VPS53: variants seen among roughly 807,000 people sequenced by gnomAD.
VPS53 encodes VPS53 subunit of GARP complex.
VPS53 carries 70 observed loss-of-function variants against 107.0 expected under a neutral mutation model. The ratio of observed to expected loss-of-function variants is 0.65; its 90% CI spans 0.54 to 0.80. The LOEUF is 0.80. VPS53 is among the 30% of genes least tolerant of loss of function. VPS53 has a pLI of 0.00. For missense variants in VPS53, 917 were observed against 1,049.4 expected (o/e 0.87, Z 1.74); for synonymous variants, 409 against 393.3 (o/e 1.04, Z -0.47).
At chr17:631,276 G>C (rs1050924240) in intron 8 of VPS53, among the ~76,000 whole-genome samples, 1 of 151,178 alleles carries the variant, frequency 6.6e-6, no homozygotes. Flanking sequence ...AAAAGGAATT[G>C]ACAGGGCATA....
At chr17:664,887 T>A (rs761901698) in intron 4 of VPS53, among the ~76,000 whole-genome samples, 17 of 151,980 alleles carry the variant, frequency 1.1e-4, no homozygotes, top group Non-Finnish European at 2.2e-4. Context: ...GGGTTTTGGT[T>A]GAAAAGCCAA....
At chr17:568,843 C>T (rs1233235144) in intron 13 of VPS53, among the ~76,000 whole-genome samples, 1 of 152,178 alleles carries the variant, frequency 6.6e-6, no homozygotes, top group Non-Finnish European at 1.5e-5. Context: ...GCATCAAATG[C>T]ACAGGTTCTA....
At chr17:606,000 C>T (rs943273029) in intron 11 of VPS53, among the ~76,000 whole-genome samples, 39 of 152,100 alleles carry the variant, frequency 2.6e-4, no homozygotes, top group South Asian at 2.1e-4. Context: ...GCAGGCAAAC[C>T]AGTTTAAGAG....
intron 2 of VPS53, among the ~76,000 whole-genome samples, chr17:703,713 G>A (rs778195915): frequency 6.6e-6 from 1 of 152,034 alleles, no homozygotes; most frequent in South Asian, 2.1e-4. Flanking sequence ...AGGACAGTAT[G>A]ACCACAATCA....
At chr17:614,838 A>C (rs752728999) in intron 11 of VPS53, among the ~76,000 whole-genome samples, 2 of 152,224 alleles carry the variant, frequency 1.3e-5, no homozygotes, top group African/African-American at 2.4e-5. Flanking sequence ...AAAGGCCCCT[A>C]TAAGCCAAAG....
chr17:567,412 A>T (rs946391937), intron 13 of VPS53, among the ~76,000 whole-genome samples: 2 of 152,216 alleles, frequency 1.3e-5, no homozygotes, highest in African/African-American at 4.8e-5. Flanking sequence ...ATCAGTAGCC[A>T]GTATTTCACA....
chr17:572,305 G>A (rs1253406912), intron 13 of VPS53, among the ~76,000 whole-genome samples: 10 of 150,554 alleles, frequency 6.6e-5, no homozygotes, highest in African/African-American at 1.5e-4. Context: ...CCCTCTGCCC[G>A]GCAACCGCCC....
chr17:629,775 A>C, intron 8 of VPS53, among the ~76,000 whole-genome samples: 1 of 147,872 alleles, frequency 6.8e-6, no homozygotes, highest in Non-Finnish European at 1.5e-5. Context: ...AAAAAAGAAA[A>C]GAAAAGAAAA....
intron 2 of VPS53, among the ~76,000 whole-genome samples, chr17:701,948 T>C (rs1031523593): frequency 4.6e-5 from 7 of 152,056 alleles, no homozygotes; most frequent in Non-Finnish European, 1.5e-5. Context: ...AAGCTGATCT[T>C]GAATTCCTGG....
chr17:654,809 C>T (rs1003731850), intron 6 of VPS53, among the ~76,000 whole-genome samples: 1 of 151,950 alleles, frequency 6.6e-6, no homozygotes. Context: ...TTGCTACCAC[C>T]ACCTGGTTTT....
chr17:639,262 C>T (rs558088766), intron 7 of VPS53, among the ~76,000 whole-genome samples: 3 of 152,290 alleles, frequency 2.0e-5, no homozygotes, highest in Non-Finnish European at 2.9e-5. Flanking sequence ...TGGTTTTCAG[C>T]TCCATTAGGT....
chr17:589,195 TCAA>T (rs1278528646), intron 12 of VPS53, among the ~76,000 whole-genome samples: 1 of 152,006 alleles, frequency 6.6e-6, no homozygotes, highest in Non-Finnish European at 1.5e-5. Flanking sequence ...TTTAAAAAAA[TCAA>T]CGTGTATATT....
At chr17:630,559 T>C (rs1188878976) in intron 8 of VPS53, among the ~76,000 whole-genome samples, 3 of 152,230 alleles carry the variant, frequency 2.0e-5, no homozygotes, top group Non-Finnish European at 4.4e-5. Flanking sequence ...ATCTGATTAC[T>C]AGCAGACAGC....
At chr17:620,962 C>G (rs941928111) in intron 11 of VPS53, among the ~76,000 whole-genome samples, 3 of 152,054 alleles carry the variant, frequency 2.0e-5, no homozygotes, top group African/African-American at 7.2e-5. Context: ...TTTGGCCCAT[C>G]TCTCTCATTT....
At chr17:678,562 G>A (rs913690201) in intron 4 of VPS53, among the ~76,000 whole-genome samples, 1 of 151,400 alleles carries the variant, frequency 6.6e-6, no homozygotes, top group African/African-American at 2.4e-5. Flanking sequence ...TGCCTCCTGG[G>A]CTCCAGCGAT....
chr17:650,369 TG>T (rs1970892195), intron 7 of VPS53, among the ~76,000 whole-genome samples: 1 of 152,008 alleles, frequency 6.6e-6, no homozygotes, highest in Non-Finnish European at 1.5e-5. Context: ...TGGTGGTATT[TG>T]CCTGTATTCC....
chr17:556,898 G>T, intron 15 of VPS53, among the ~76,000 whole-genome samples: 1 of 150,358 alleles, frequency 6.7e-6, no homozygotes, highest in South Asian at 2.1e-4. Context: ...GGGTGGCCAG[G>T]AGGGCCTCTC....
At chr17:569,747 C>A (rs550970309) in intron 13 of VPS53, among the ~76,000 whole-genome samples, 1 of 151,710 alleles carries the variant, frequency 6.6e-6, no homozygotes, top group East Asian at 1.9e-4. Context: ...GGTGAAACCC[C>A]GTCTCTACTA....
intron 11 of VPS53, among the ~76,000 whole-genome samples, chr17:605,966 G>A (rs931750853): frequency 5.9e-5 from 9 of 152,152 alleles, no homozygotes; most frequent in African/African-American, 2.2e-4. Flanking sequence ...TTCCACTGCT[G>A]TAGGGGAATG....
Sources: gnomAD v4.1 joint callset for allele counts (sites outside exome capture counted in the v4.1 genomes callset) on GRCh38, gnomAD v4.1.1 for gene constraint, MANE v1.5 for transcripts, NCBI Gene and HGNC (gene_info 2026-07-23, HGNC 2026-07-21) for gene names.